Variants in INCENP observed in about 807,000 individuals in gnomAD.
The protein encoded by INCENP is inner centromere protein, also known as binds and activates aurora-B and -C in vivo and in vitro.
Under a neutral mutation model 107.3 loss-of-function variants are expected in INCENP, and 43 were observed. The observed-to-expected ratio is 0.40, with a 90% confidence interval of 0.31 to 0.52. The LOEUF (loss-of-function observed/expected upper bound fraction) is 0.52. Ranked by LOEUF, INCENP falls within the 20% of genes least tolerant of loss-of-function variation. INCENP has a pLI of 0.53. For synonymous variants in INCENP, 488 were observed against 494.4 expected (o/e 0.99, Z 0.17); for missense variants, 1,089 against 1,250.9 (o/e 0.87, Z 1.95).
chr11:62,142,964 A>G lies in INCENP; in HGVS notation c.1605+1453A>G, dbSNP rs375130802. Among the ~76,000 whole-genome samples the G allele has an allele frequency of 9.1e-4, 139 of 151,996 alleles. 1 individual carries two copies. The highest frequency in any genetic ancestry group is 3.2e-3 in the African/African-American group (132 of 41,314). ...CCTCCAGCCAGGAAGCTGGGGCTTC[A>G]GTTACCTTGTTCTGCTTTGTGTGCT... On this transcript the variant is annotated intron_variant, in intron 11 of 18. Transcript: ENST00000394818.
chr11:62,141,056 G>A lies in INCENP; in HGVS notation c.1593+12G>A. 1.9e-6 allele frequency: 3 copies of A among 1,610,960 alleles called. No individual in the cohort carries two copies. Among genetic ancestry groups the A allele is most frequent in the Non-Finnish European group, 2.5e-6 (3 of 1,178,570 alleles). ...GCATGGACCCCAAGGTGAGGGGCCT[G>A]TGCCCAGGCCGGGCTTTGTGGGAGC... is the stretch of plus-strand genomic sequence containing the variant. On this transcript the variant is annotated intron_variant, in intron 10 of 18. Coordinates refer to ENST00000394818, the MANE Select transcript of INCENP (RefSeq NM_001040694.2).
chr11:62,139,810 C>T (rs905456279), intron 7 of INCENP, among the ~76,000 whole-genome samples: 3 of 152,224 alleles, frequency 2.0e-5, no homozygotes, highest in African/African-American at 7.2e-5. Context: ...CACTGTTCTT[C>T]GTGTCAGAGG....
chr11:62,148,567 G>A lies in INCENP; in HGVS notation c.2283+13G>A. On this transcript the variant is annotated intron_variant, in intron 16 of 18. Coordinates refer to ENST00000394818, the MANE Select transcript of INCENP (RefSeq NM_001040694.2). ...GAAGAAGAAGAAGGTGAGGGGAGCT[G>A]GGTTGCGGGCTCCCCTGGGGTCTGC... 6.3e-7 allele frequency: 1 copy of A among 1,596,132 alleles called. No individual in the cohort carries two copies. The highest frequency in any genetic ancestry group is 8.5e-7 in the Non-Finnish European group (1 of 1,172,082).
intron 17 of INCENP, 122 bp downstream of exon 17, chr11:62,148,968 A>G: frequency 1.9e-6 from 1 of 519,228 alleles, no homozygotes; most frequent in Non-Finnish European, 3.4e-6. Context: ...CACTTGGCCC[A>G]ATTGTTTTTA....
intron 18 of INCENP, among the ~76,000 whole-genome samples, chr11:62,150,842 T>C (rs1403136656): frequency 6.6e-6 from 1 of 152,052 alleles, no homozygotes; most frequent in Non-Finnish European, 1.5e-5. Flanking sequence ...GTGGGTACCA[T>C]GGGTGCCTTG....
intron 18 of INCENP, among the ~76,000 whole-genome samples, chr11:62,150,484 C>T (rs1211871510): frequency 1.3e-5 from 2 of 152,124 alleles, no homozygotes. Flanking sequence ...GCATATGCTG[C>T]TGGGTGTCCT....
At chr11:62,149,425 T>C (rs1363849170) in intron 17 of INCENP, among the ~76,000 whole-genome samples, 1 of 152,208 alleles carries the variant, frequency 6.6e-6, no homozygotes, top group Admixed American at 6.5e-5. Flanking sequence ...AAAACAATGT[T>C]TTCATTGCAG....
Position 62,138,755 on chromosome 11 carries a change from G to A in INCENP, c.1158G>A (p.Ala386=), listed in dbSNP as rs562346092. 1.8e-5 allele frequency: 29 copies of A among 1,614,064 alleles called. No homozygotes were observed. Among genetic ancestry groups the A allele is most frequent in the South Asian group, 2.2e-5 (2 of 91,088 alleles). ...KEPPEEAEPV[A]AAEPEVPENN... is the part of the protein sequence containing the mutation. ...CCCCCGAGGAGGCTGAGCCTGTGGC[G>A]GCAGCTGAGCCAGAGGTAAGACGGC... Residue 386 remains alanine, a synonymous_variant, in exon 6 of 19, where the codon GCG becomes GCA. Coordinates refer to ENST00000394818, the MANE Select transcript of INCENP (RefSeq NM_001040694.2).
intron 4 of INCENP, among the ~76,000 whole-genome samples, chr11:62,136,965 A>G (rs1944006518): frequency 6.6e-6 from 1 of 152,224 alleles, no homozygotes; most frequent in African/African-American, 2.4e-5. Context: ...TCCAAGGGTC[A>G]GAGGATGCAA....
At chr11:62,145,361 A>G in intron 13 of INCENP, 72 bp downstream of exon 13, 1 of 1,595,064 alleles carries the variant, frequency 6.3e-7, no homozygotes, top group Non-Finnish European at 8.5e-7. Flanking sequence ...ACCCCTCAGG[A>G]AATTGCAGAT....
At position 62,138,980 on chromosome 11, in the gene INCENP, G is replaced by A. The variant is rs773833319; in HGVS notation, c.1266G>A (p.Pro422=). The part of the protein sequence containing the change: ...TPNPKPAASS[P]ETPSAGQQEA... ...ACCCGAAGCCTGCAGCCAGCAGCCC[G>A]GAAACACCCTCTGCAGGGCAGCAAG... The change falls in exon 7 of 19, where the codon CCG becomes CCA. Residue 422 remains proline, a synonymous_variant. Coordinates refer to ENST00000394818, the MANE Select transcript of INCENP (RefSeq NM_001040694.2). 2.0e-5 allele frequency: 32 copies of A among 1,613,734 alleles called. No homozygotes were observed. Among genetic ancestry groups the A allele is most frequent in the Middle Eastern group, 1.6e-4 (1 of 6,084 alleles).
At chr11:62,144,335 C>A (rs1365625816) in intron 11 of INCENP, among the ~76,000 whole-genome samples, 147 of 133,590 alleles carry the variant, frequency 1.1e-3, no homozygotes, top group East Asian at 1.9e-3. Context: ...TGTCTCCACA[C>A]AAAAAAAAAA....
intron 8 of INCENP, 104 bp downstream of exon 8, chr11:62,140,389 G>C: frequency 9.6e-7 from 1 of 1,040,460 alleles, no homozygotes; most frequent in South Asian, 1.3e-5. Context: ...GGGCTTCAGA[G>C]CCTCTCTGCT....
chr11:62,152,018 T>C lies in INCENP; in HGVS notation c.*42T>C, dbSNP rs995215653. On this transcript the variant is annotated 3_prime_UTR_variant, in exon 19 of 19. Transcript: ENST00000394818. ...TCTTGGCAGCCTCGCCTCCTGTCCA[T>C]GTCTATCTGTCTGTCTGTCGGTCTC... 5.6e-6 allele frequency: 8 copies of C among 1,429,060 alleles called. No homozygotes were observed. The highest frequency in any genetic ancestry group is 7.8e-6 in the Non-Finnish European group (8 of 1,030,278). 88.5% of individuals were successfully genotyped at this position (1,429,060 alleles called of 1,614,324 possible).
intron 3 of INCENP, 87 bp from the exon 4 acceptor site, chr11:62,129,695 C>T: frequency 9.0e-7 from 1 of 1,105,656 alleles, no homozygotes; most frequent in Non-Finnish European, 1.3e-6. Flanking sequence ...TCTTATCATA[C>T]TCTATCCAAG....
intron 17 of INCENP, among the ~76,000 whole-genome samples, chr11:62,149,246 C>T (rs7113156): frequency 0.47 from 70,616 of 151,702 alleles, 19,162 homozygotes; most frequent in Middle Eastern, 0.68. Flanking sequence ...GATTTCCAGG[C>T]CCCCAACCCC....
intron 5 of INCENP, 186 bp downstream of exon 5, chr11:62,138,069 C>A: frequency 1.6e-6 from 1 of 625,740 alleles, no homozygotes; most frequent in South Asian, 1.8e-5. Flanking sequence ...CACCTGGTCT[C>A]CTTGCAGCAC....
In INCENP at chr11:62,130,272, G is replaced by A. The variant is rs200902528; in HGVS notation, c.745G>A (p.Gly249Arg). 79 of 1,612,774 alleles carry A rather than the reference G, an allele frequency of 4.9e-5. No individual in the cohort carries two copies. The Admixed American group carries it at 5.2e-4, about 11-fold the overall frequency. Residue 249 changes from glycine to arginine, a missense_variant, in exon 4 of 19, where the codon GGG becomes AGG. Transcript: ENST00000394818. Reference sequence around the variant, plus strand: ...CCAGGACCCCAAGGGTCAAGGGGTCGGGACGGGGCGGTCTGCGTCTAAGCT... The same window carrying A: ...CCAGGACCCCAAGGGTCAAGGGGTCAGGACGGGGCGGTCTGCGTCTAAGCT... Reference protein sequence around the residue: ...TPQDPKGQGVGTGRSASKLRI... With the variant: ...TPQDPKGQGVRTGRSASKLRI...
intron 11 of INCENP, chr11:62,141,822 C>T: frequency 2.0e-6 from 1 of 512,208 alleles, no homozygotes; most frequent in Non-Finnish European, 3.5e-6. Context: ...CTCCCCTGCA[C>T]CAGGCCCCGT....
Sources: allele counts gnomAD v4.1 joint callset (sites outside exome capture counted in the v4.1 genomes callset), GRCh38; gene constraint gnomAD v4.1.1; transcripts MANE v1.5; gene names NCBI Gene and HGNC (gene_info 2026-07-23, HGNC 2026-07-21).